PCLO: variants seen among roughly 807,000 people sequenced by gnomAD.
PCLO encodes the protein protein piccolo.
Under a neutral mutation model 427.5 loss-of-function variants are expected in PCLO, and 82 were observed. The observed-to-expected ratio is 0.19, with a 90% CI of 0.16 to 0.23. The LOEUF (loss-of-function observed/expected upper bound fraction) is 0.23. Among genes scored for constraint, PCLO ranks in the 10% least tolerant of loss-of-function variants. The pLI is 1.00. For synonymous variants in PCLO, 2,357 were observed against 2,155.4 expected, an observed-to-expected ratio of 1.09 and a Z score of -2.59; for missense variants, 6,239 against 6,115.9, an observed-to-expected ratio of 1.02 and a Z score of -0.67.
intron 20 of PCLO, among the ~76,000 whole-genome samples, chr7:82,812,152 T>A (rs1308915957): frequency 6.6e-6 from 1 of 151,524 alleles, no homozygotes; most frequent in African/African-American, 2.4e-5. Flanking sequence ...TCTCTCTCCA[T>A]GCACATTGGC....
chr7:83,043,451 A>G (rs1789020887), intron 3 of PCLO, among the ~76,000 whole-genome samples: 1 of 152,214 alleles, frequency 6.6e-6, no homozygotes, highest in African/African-American at 2.4e-5. Flanking sequence ...TTATTTCAAA[A>G]TAACTTCATT....
At chr7:82,888,292 G>A (rs1343247748) in intron 9 of PCLO, among the ~76,000 whole-genome samples, 2 of 152,216 alleles carry the variant, frequency 1.3e-5, no homozygotes, top group Middle Eastern at 3.4e-3. Flanking sequence ...AGAAGCAGAA[G>A]AGATGGCATA....
chr7:83,032,468 C>CTCCCTTCCTTCCCTTCCT (rs1205617783), intron 3 of PCLO, among the ~76,000 whole-genome samples: 1 of 148,688 alleles, frequency 6.7e-6, no homozygotes, highest in Non-Finnish European at 1.5e-5. Flanking sequence ...CCTCCCTTCC[C>CTCCCTTCCTTCCCTTCCT]TCCCTTCCTT....
chr7:82,863,344 C>T (rs1793011481), intron 10 of PCLO, among the ~76,000 whole-genome samples: 1 of 151,866 alleles, frequency 6.6e-6, no homozygotes, highest in Non-Finnish European at 1.5e-5. Flanking sequence ...ACAATTTTAT[C>T]ATCCTGAGAG....
At position 82,760,646 on chromosome 7, in the gene PCLO, G is replaced by T. The variant is rs1464996435; in HGVS notation, c.15281C>A (p.Ser5094Tyr). 3 of 1,590,704 alleles carry T rather than the reference G, an allele frequency of 1.9e-6. No homozygotes were observed. Among genetic ancestry groups the T allele is most frequent in the East Asian group, 4.5e-5 (2 of 44,462 alleles). Residue 5094 changes from serine (S) to tyrosine (Y), a missense_variant, in exon 24 of 25, where the codon TCT becomes TAT. Ser to Tyr is a moderately radical substitution (Grantham distance 144, BLOSUM62 -2). This residue lies in a region of PCLO where 877 missense variants were observed against 925.5 expected (regional missense o/e 0.95). Coordinates refer to ENST00000333891, the MANE Select transcript of PCLO (RefSeq NM_033026.6). ...TACATAATACAGAGCTACCTGAAGA[G>T]AATGTCCTGCAGGACTTAGACTGAA... ...FRFSLSPAGH[S>Y]LQILLFSNGG...
intron 3 of PCLO, among the ~76,000 whole-genome samples, chr7:83,074,286 C>T (rs1465389261): frequency 1.3e-5 from 2 of 151,956 alleles, no homozygotes; most frequent in Non-Finnish European, 1.5e-5. Flanking sequence ...TCCTAATAGA[C>T]ATCCGGATAA....
chr7:83,152,215 C>T (rs976372930), intron 2 of PCLO, among the ~76,000 whole-genome samples: 1 of 152,214 alleles, frequency 6.6e-6, no homozygotes, highest in African/African-American at 2.4e-5. Context: ...CTGCCCGCCT[C>T]GGCCTCCCAA....
chr7:83,106,434 C>T lies in PCLO; in HGVS notation c.3300+27816G>A, dbSNP rs903435180. Among the ~76,000 whole-genome samples, 4 of 152,228 alleles carry T rather than the reference C, an allele frequency of 2.6e-5. No individual in the cohort carries two copies. The East Asian group carries it at 5.8e-4, about 22-fold the overall frequency. On this transcript the variant is annotated intron_variant, in intron 3 of 24. Coordinates refer to ENST00000333891, the MANE Select transcript of PCLO (RefSeq NM_033026.6). ...AATGACAGCTCAAATTCCACTCTGG[C>T]GAAGTAAATACTTTGATTTGCTCAT...
intron 3 of PCLO, among the ~76,000 whole-genome samples, chr7:83,066,031 A>G (rs187424025): frequency 2.1e-4 from 32 of 152,236 alleles, no homozygotes; most frequent in African/African-American, 7.5e-4. Context: ...AGTAAAGGGA[A>G]TGTTGCTTTA....
intron 2 of PCLO, among the ~76,000 whole-genome samples, chr7:83,149,123 T>A (rs941942593): frequency 2.0e-5 from 3 of 152,200 alleles, no homozygotes; most frequent in Admixed American, 6.5e-5. Context: ...TGTGGATTAA[T>A]CTCTGGCTTT....
In PCLO at chr7:83,046,112, A is replaced by C. The variant is rs184477568; in HGVS notation, c.3301-79625T>G. Among the ~76,000 whole-genome samples the C allele has an allele frequency of 2.0e-5, 3 of 152,162 alleles. No homozygotes were observed. In the East Asian group the frequency reaches 5.8e-4, roughly 29 times the overall value. ...ACCCTAATCTCCTCTTGTTGTAAGA[A>C]CACTAGTCATATTGGATTAGGGCCC... On this transcript the variant is annotated intron_variant, in intron 3 of 24. Transcript: ENST00000333891.
intron 3 of PCLO, among the ~76,000 whole-genome samples, chr7:83,101,338 T>G (rs2116488219): frequency 6.6e-6 from 1 of 152,150 alleles, no homozygotes; most frequent in African/African-American, 2.4e-5. Flanking sequence ...TTATATATTT[T>G]ACCTAGAAAT....
At position 82,955,776 on chromosome 7, in the gene PCLO, G is replaced by A. The variant is rs1363426540; in HGVS notation, c.5177C>T (p.Thr1726Ile). 1.4e-5 allele frequency: 23 copies of A among 1,613,964 alleles called. No homozygotes were observed. Among genetic ancestry groups the A allele is most frequent in the Non-Finnish European group, 1.9e-5 (22 of 1,179,884 alleles). ...TACTGATGTAGGGGATGTACCAGGAGTGAAGCTGGAAGCATGCAGACTCGA... is the reference window on the plus strand; with the variant it reads ...TACTGATGTAGGGGATGTACCAGGAATGAAGCTGGAAGCATGCAGACTCGA... Reference protein sequence around the residue: ...GSSSLHASSFTPGTSPTSVSS... With the variant: ...GSSSLHASSFIPGTSPTSVSS... Residue 1726 changes from threonine (T) to isoleucine (I), a missense_variant, in exon 5 of 25, where the codon ACT (threonine) becomes ATT (isoleucine). This residue lies in a region of PCLO where 4,677 missense variants were observed against 4,468.4 expected (regional missense o/e 1.05). Coordinates refer to ENST00000333891, the MANE Select transcript of PCLO (RefSeq NM_033026.6).
In PCLO at chr7:82,954,373, T is replaced by C. The variant is rs771999737; in HGVS notation, c.6580A>G (p.Thr2194Ala). Residue 2194 changes from threonine (T) to alanine (A), a missense_variant, in exon 5 of 25, where the codon ACA (threonine) becomes GCA (alanine). Transcript: ENST00000333891. ...LTSSVSSVCT[T>A]DSSSPITTLD... ...GTAGTAATGGGTGAAGAGCTATCTG[T>C]GGTACAGACCGAAGAAACAGATGAT... 6.2e-6 allele frequency: 10 copies of C among 1,613,888 alleles called. No individual in the cohort carries two copies. The highest frequency in any genetic ancestry group is 8.5e-6 in the Non-Finnish European group (10 of 1,179,852).
At chr7:82,913,111 C>T (rs931508248) in intron 7 of PCLO, among the ~76,000 whole-genome samples, 11 of 151,922 alleles carry the variant, frequency 7.2e-5, no homozygotes, top group African/African-American at 1.4e-4. Context: ...TTCAAATAAT[C>T]ATCTAAATAA....
At position 83,142,755 on chromosome 7, in the gene PCLO, C is replaced by A. The variant is rs182754328; in HGVS notation, c.1894-7099G>T. 2.1e-4 allele frequency among the ~76,000 whole-genome samples: 32 copies of A among 152,104 alleles called. No individual in the cohort carries two copies. In the East Asian group the frequency reaches 5.8e-3, roughly 28 times the overall value. On this transcript the variant is annotated intron_variant, in intron 2 of 24. Coordinates refer to ENST00000333891, the MANE Select transcript of PCLO (RefSeq NM_033026.6). ...AGGCGGATCACCTGAGGTCAGGAGTCCAAAACCAGCCTGGCCAATATGGTG... is the reference window on the plus strand; with the variant it reads ...AGGCGGATCACCTGAGGTCAGGAGTACAAAACCAGCCTGGCCAATATGGTG...
chr7:82,968,583 G>C (rs1401641687), intron 3 of PCLO, among the ~76,000 whole-genome samples: 1 of 134,306 alleles, frequency 7.4e-6, no homozygotes, highest in East Asian at 2.3e-4. Flanking sequence ...GCAGTGGCTT[G>C]ATCTTGGTTC....
intron 20 of PCLO, chr7:82,820,412 G>T: frequency 1.4e-6 from 1 of 724,736 alleles, no homozygotes; most frequent in Non-Finnish European, 1.8e-6. Flanking sequence ...GAAATCAATT[G>T]AGAAAACAAA....
chr7:82,761,858 G>A (rs1790438941), intron 22 of PCLO, among the ~76,000 whole-genome samples: 2 of 151,964 alleles, frequency 1.3e-5, no homozygotes, highest in African/African-American at 4.8e-5. Flanking sequence ...CAACAAGGGA[G>A]GTATGAAGAA....
Sources: gnomAD v4.1 joint callset for allele counts (sites outside exome capture counted in the v4.1 genomes callset) on GRCh38, gnomAD v4.1.1 for gene constraint, gnomAD v4.1.1 regional missense constraint, MANE v1.5 for transcripts, NCBI Gene and HGNC (gene_info 2026-07-23, HGNC 2026-07-21) for gene names.